Variants in CHD1 observed in about 807,000 individuals in gnomAD.
The protein encoded by CHD1 is chromodomain helicase DNA binding protein 1, also known as ATP-dependent chromatin remodeler CHD1.
In CHD1, 36 loss-of-function variants were observed where a neutral mutation model predicts 224.2. The ratio of observed to expected loss-of-function variants is 0.16; its 90% CI spans 0.12 to 0.21. The LOEUF (loss-of-function observed/expected upper bound fraction) is 0.21, where lower values mean the gene tolerates loss of function less well. Ranked by LOEUF, CHD1 falls within the 10% of genes least tolerant of loss-of-function variation. The pLI is 1.00. For synonymous variants in CHD1, 668 were observed against 658.3 expected (o/e 1.01, Z -0.23); for missense variants, 1,378 against 1,994.8 (o/e 0.69, Z 5.89).
chr5:98,884,654 C>T (rs1750514856), intron 18 of CHD1, among the ~76,000 whole-genome samples: 1 of 151,532 alleles, frequency 6.6e-6, no homozygotes, highest in Middle Eastern at 3.2e-3. Context: ...CAAAAATCCA[C>T]GGAAATAAAA....
At chr5:98,888,910 A>C (rs1348614738) in intron 16 of CHD1, among the ~76,000 whole-genome samples, 166 bp downstream of exon 16, 1 of 152,256 alleles carries the variant, frequency 6.6e-6, no homozygotes, top group South Asian at 2.1e-4. Flanking sequence ...TTAGAATTTT[A>C]AAGTCTTTTC....
At chr5:98,874,537 TAAAAAAAAAA>T (rs70984332) in intron 25 of CHD1, among the ~76,000 whole-genome samples, 2 of 88,278 alleles carry the variant, frequency 2.3e-5, no homozygotes, top group Admixed American at 1.3e-4. Flanking sequence ...CCGTCTCTAC[TAAAAAAAAAA>T]AAAAAAAAAA....
intron 14 of CHD1, 42 bp downstream of exon 14, chr5:98,893,374 T>C (rs773435736): frequency 7.3e-7 from 1 of 1,375,930 alleles, no homozygotes; most frequent in Admixed American, 2.3e-5. Context: ...CCACTAAACA[T>C]AATATCCACA....
At chr5:98,864,047 CAG>C (rs760345600) in intron 31 of CHD1, among the ~76,000 whole-genome samples, 16 of 152,098 alleles carry the variant, frequency 1.1e-4, no homozygotes, top group Non-Finnish European at 2.1e-4. Context: ...TTTGTGATAA[CAG>C]AAGGTGGCAA....
At position 98,890,050 on chromosome 5, in the gene CHD1, GA is replaced by G. The variant is rs545110290; in HGVS notation, c.2181-813del. Among the ~76,000 whole-genome samples, 7 of 152,282 alleles carry G rather than the reference GA, an allele frequency of 4.6e-5. No homozygotes were observed. In the South Asian group the frequency reaches 1.4e-3, roughly 32 times the overall value. ...CATGTAACAACACTGTCGACTACTA[GA>G]GGGGGGAAGGAGGGGAACATGGGTT... is the stretch of plus-strand genomic sequence containing the variant. On this transcript the variant is annotated intron_variant, in intron 15 of 35. Transcript: ENST00000614616.
intron 2 of CHD1, among the ~76,000 whole-genome samples, chr5:98,917,247 T>C (rs570502025): frequency 3.7e-4 from 52 of 142,202 alleles, no homozygotes; most frequent in Admixed American, 1.6e-3. Context: ...TTAACATACG[T>C]GAAATTTAAG....
In CHD1 at chr5:98,904,948, A is replaced by C. The variant is rs748562945; in HGVS notation, c.204T>G (p.Thr68=). The part of the protein sequence containing the change: ...SGSQSESESD[T]SRENKVQAKP... ...TTGCTTGAACTTTGTTTTCTCGGGAAGTGTCTGACTCAGACTCTGACTGAC... is the reference window on the plus strand; with the variant it reads ...TTGCTTGAACTTTGTTTTCTCGGGACGTGTCTGACTCAGACTCTGACTGAC... The change falls in exon 3 of 36, where the codon ACT becomes ACG. Residue 68 remains threonine (T), a synonymous_variant. Transcript: ENST00000614616. 1 of 1,613,770 alleles carries C rather than the reference A, an allele frequency of 6.2e-7. No homozygotes were observed. Among genetic ancestry groups the C allele is most frequent in the Non-Finnish European group, 8.5e-7 (1 of 1,179,690 alleles).
chr5:98,891,163 T>A (rs1015228651), intron 15 of CHD1, among the ~76,000 whole-genome samples: 1 of 152,138 alleles, frequency 6.6e-6, no homozygotes, highest in African/African-American at 2.4e-5. Context: ...AACCTCTGCC[T>A]CATGGGCTCA....
chr5:98,868,580 T>C lies in CHD1; in HGVS notation c.4163A>G (p.Asp1388Gly), dbSNP rs777103555. ...ACTTGCCGTGATATGAACTGGAGCA[T>C]CTGACACTGAAGATTTCTTGGATCT... ...RERSKKSSVSDAPVHITASGE... is the reference protein window; with the variant it reads ...RERSKKSSVSGAPVHITASGE... The change falls in exon 31 of 36, where the codon GAT becomes GGT. Residue 1388 changes from aspartate to glycine, a missense_variant. Asp to Gly is a moderately conservative substitution (Grantham distance 94). Transcript: ENST00000614616. The C allele has an allele frequency of 1.1e-5, 17 of 1,609,992 alleles. No homozygotes were observed. Among genetic ancestry groups the C allele is most frequent in the African/African-American group, 1.3e-5 (1 of 74,616 alleles).
rs766055152 is a variant in CHD1, at chr5:98,873,727, T to C, written c.3441-4A>G. On this transcript the variant is annotated splice_region_variant and splice_polypyrimidine_tract_variant and intron_variant, in intron 25 of 35. Transcript: ENST00000614616. The stretch of plus-strand genomic sequence containing the variant: ...ATCTCGAGCAATTGCATCTAATCTG[T>C]AACAAAATAATCCAATTTTCAGGTA... The C allele has an allele frequency of 4.4e-6, 7 of 1,595,588 alleles. No individual in the cohort carries two copies. Among genetic ancestry groups the C allele is most frequent in the Non-Finnish European group, 5.1e-6 (6 of 1,174,440 alleles).
intron 2 of CHD1, among the ~76,000 whole-genome samples, chr5:98,925,220 G>T (rs939731341): frequency 6.6e-6 from 1 of 151,934 alleles, no homozygotes; most frequent in African/African-American, 2.4e-5. Context: ...AATATTTTAA[G>T]CCCTTTACAT....
intron 12 of CHD1, 140 bp from the exon 13 acceptor site, chr5:98,894,826 G>GTTT: frequency 7.5e-5 from 26 of 345,228 alleles, no homozygotes; most frequent in East Asian, 3.6e-4. Context: ...AGTTTTTGTG[G>GTTT]TTTTTTTTTT....
chr5:98,872,400 G>C lies in CHD1; in HGVS notation c.3710+17C>G. 1 of 1,598,276 alleles carries C rather than the reference G, an allele frequency of 6.3e-7. No homozygotes were observed. Among genetic ancestry groups the C allele is most frequent in the Non-Finnish European group, 8.5e-7 (1 of 1,173,486 alleles). ...TGAATAACAAAAATCTTACAATGGA[G>C]AAAATAAATCACTCACTGCTTTCTT... On this transcript the variant is annotated intron_variant, in intron 27 of 35. Transcript: ENST00000614616.
chr5:98,892,378 G>A (rs748504999), intron 15 of CHD1, 147 bp downstream of exon 15: 8 of 494,402 alleles, frequency 1.6e-5, no homozygotes, highest in Non-Finnish European at 2.1e-5. Flanking sequence ...GCCTCCTAAC[G>A]ACACAGAATA....
chr5:98,870,370 C>T (rs1749241862), intron 29 of CHD1, among the ~76,000 whole-genome samples: 1 of 151,852 alleles, frequency 6.6e-6, no homozygotes, highest in Admixed American at 6.6e-5. Context: ...CCAAGTAAAA[C>T]AGTCATGTAG....
At chr5:98,906,372 T>C (rs910536874) in intron 2 of CHD1, among the ~76,000 whole-genome samples, 1 of 152,218 alleles carries the variant, frequency 6.6e-6, no homozygotes, top group Admixed American at 6.5e-5. Context: ...TAAATTTTAA[T>C]TTTTAAGGCC....
intron 27 of CHD1, 98 bp from the exon 28 acceptor site, chr5:98,872,299 G>T (rs1580381860): frequency 1.4e-6 from 2 of 1,454,914 alleles, no homozygotes; most frequent in Non-Finnish European, 1.9e-6. Context: ...AAAATAATAT[G>T]CTTTATTTCT....
intron 30 of CHD1, 71 bp downstream of exon 30, chr5:98,869,682 AT>A (rs1328052331): frequency 1.3e-6 from 2 of 1,516,240 alleles, no homozygotes; most frequent in East Asian, 4.5e-5. Context: ...TAAATTTTAA[AT>A]GTAAAGTACA....
chr5:98,911,146 A>AAAAAATATATATATATATATATAT (rs1491111295), intron 2 of CHD1, among the ~76,000 whole-genome samples: 1 of 39,142 alleles, frequency 2.6e-5, no homozygotes, highest in African/African-American at 1.2e-4. Context: ...AAAAAAAAAA[A>AAAAAATATATATATATATATATAT]ATATATATAT....
Sources: allele counts gnomAD v4.1 joint callset (sites outside exome capture counted in the v4.1 genomes callset), GRCh38; gene constraint gnomAD v4.1.1; transcripts MANE v1.5; gene names NCBI Gene and HGNC (gene_info 2026-07-23, HGNC 2026-07-21).